The following UBE3B variants were observed in gnomAD, a reference collection of about 807,000 sequenced individuals.
The protein encoded by UBE3B is ubiquitin protein ligase E3B.
UBE3B carries 80 observed loss-of-function variants against 132.3 expected under a neutral mutation model. The ratio of observed to expected loss-of-function variants is 0.60; its 90% CI spans 0.50 to 0.73. The LOEUF (loss-of-function observed/expected upper bound fraction) is 0.73. Among genes scored for constraint, UBE3B ranks in the 30% least tolerant of loss-of-function variants. The pLI is 0.00. For missense variants in UBE3B, 1,196 were observed against 1,362.5 expected, an observed-to-expected ratio of 0.88 and a Z score of 1.92; for synonymous variants, 487 against 520.4, an observed-to-expected ratio of 0.94 and a Z score of 0.87.
At position 109,530,078 on chromosome 12, in the gene UBE3B, A is replaced by T; in HGVS notation, c.2810+6A>T. ...ATTGATCTGGAAGATTTAAAGTAAG[A>T]GGCGGGTGGGGGGAAGGGTGAAATT... On this transcript the variant is annotated splice_donor_region_variant and intron_variant, in intron 25 of 27. Transcript: ENST00000342494. 3 of 1,539,174 alleles carry T rather than the reference A, an allele frequency of 1.9e-6. No homozygotes were observed. The highest frequency in any genetic ancestry group is 2.7e-6 in the Non-Finnish European group (3 of 1,116,940).
intron 19 of UBE3B, chr12:109,517,869 T>G: frequency 2.5e-6 from 1 of 400,884 alleles, no homozygotes; most frequent in Non-Finnish European, 5.2e-6. Context: ...GTGTCTTCAT[T>G]TTCTCCCTCG....
At chr12:109,514,684 G>A (rs1023376653) in intron 18 of UBE3B, among the ~76,000 whole-genome samples, 4 of 152,042 alleles carry the variant, frequency 2.6e-5, no homozygotes, top group Middle Eastern at 3.2e-3. Flanking sequence ...AAGTCCTACA[G>A]TTCCCCTGCC....
downstream of UBE3B, among the ~76,000 whole-genome samples, chr12:109,537,322 T>G (rs1012873089): frequency 6.6e-6 from 1 of 152,200 alleles, no homozygotes; most frequent in Non-Finnish European, 1.5e-5. Flanking sequence ...CCAGCCAGGT[T>G]TCCTCCGCAC....
the UBE3B span, among the ~76,000 whole-genome samples, chr12:109,546,970 A>G: frequency 6.6e-6 from 1 of 152,146 alleles, no homozygotes; most frequent in East Asian, 1.9e-4. Flanking sequence ...TCAGCCTCCC[A>G]AACTGCTGGG....
At chr12:109,484,931 A>T (rs1170234683) in intron 4 of UBE3B, among the ~76,000 whole-genome samples, 1 of 151,420 alleles carries the variant, frequency 6.6e-6, no homozygotes, top group African/African-American at 2.4e-5. Flanking sequence ...AAGTTTTTGT[A>T]TTTTTTGTAG....
chr12:109,544,835 C>T, the UBE3B span, among the ~76,000 whole-genome samples: 11 of 152,238 alleles, frequency 7.2e-5, no homozygotes, highest in Admixed American at 3.3e-4. Flanking sequence ...CTGGGCACAG[C>T]GATCTTGGCA....
intron 19 of UBE3B, among the ~76,000 whole-genome samples, chr12:109,517,134 T>C (rs1881164164): frequency 6.6e-6 from 1 of 152,196 alleles, no homozygotes; most frequent in Non-Finnish European, 1.5e-5. Flanking sequence ...TATCCTGGGC[T>C]AGAGCATCCA....
At chr12:109,524,851 C>T (rs1031051464) in intron 23 of UBE3B, among the ~76,000 whole-genome samples, 3 of 151,942 alleles carry the variant, frequency 2.0e-5, no homozygotes, top group South Asian at 2.1e-4. Context: ...ACCTGAGAAG[C>T]GCCTCAAGCT....
chr12:109,532,463 A>G (rs1435709039), intron 26 of UBE3B, among the ~76,000 whole-genome samples: 1 of 152,194 alleles, frequency 6.6e-6, no homozygotes, highest in Non-Finnish European at 1.5e-5. Context: ...ACCATTTATA[A>G]CAGACCCAAA....
At chr12:109,484,135 G>C in intron 4 of UBE3B, 154 bp downstream of exon 4, 4 of 744,464 alleles carry the variant, frequency 5.4e-6, no homozygotes, top group Non-Finnish European at 8.1e-6. Context: ...GTTTTGGAGG[G>C]ATTATGCCCA....
chr12:109,511,271 C>T lies in UBE3B; in HGVS notation c.1924C>T (p.Gln642Ter). 1 of 1,614,184 alleles carries T rather than the reference C, an allele frequency of 6.2e-7. No individual in the cohort carries two copies. Among genetic ancestry groups the T allele is most frequent in the Non-Finnish European group, 8.5e-7 (1 of 1,180,010 alleles). Residue 642 changes from glutamine to a stop codon, truncating the protein, a stop_gained, in exon 18 of 28, where the codon CAG becomes TAG. Transcript: ENST00000342494. LOFTEE classifies it high-confidence loss of function. ...CAGAAAACGGGCACAGTTGATCCTGCAGTACATCCCACATGTCATCCCTCA... is the reference window on the plus strand; with the variant it reads ...CAGAAAACGGGCACAGTTGATCCTGTAGTACATCCCACATGTCATCCCTCA... Reference protein sequence around the residue: ...RDRKRAQLILQYIPHVIPHKN... With the variant: ...RDRKRAQLIL
intron 21 of UBE3B, among the ~76,000 whole-genome samples, chr12:109,523,106 A>T (rs1040974625): frequency 3.3e-5 from 5 of 152,178 alleles, no homozygotes; most frequent in Non-Finnish European, 7.3e-5. Context: ...TAGGCCCTGC[A>T]TGAGGAGTGG....
chr12:109,484,136 A>T, intron 4 of UBE3B, 155 bp downstream of exon 4: 2 of 739,822 alleles, frequency 2.7e-6, no homozygotes, highest in South Asian at 2.7e-5. Flanking sequence ...TTTTGGAGGG[A>T]TTATGCCCAG....
At chr12:109,529,504 T>C (rs1284049295) in intron 24 of UBE3B, among the ~76,000 whole-genome samples, 1 of 152,230 alleles carries the variant, frequency 6.6e-6, no homozygotes, top group Non-Finnish European at 1.5e-5. Flanking sequence ...GGTATCTTAA[T>C]TGATTTATGT....
chr12:109,523,961 C>T lies in UBE3B; in HGVS notation c.2365-17C>T, dbSNP rs746003315. 6 of 1,613,388 alleles carry T rather than the reference C, an allele frequency of 3.7e-6. No individual in the cohort carries two copies. In the South Asian group the frequency reaches 6.6e-5, roughly 18 times the overall value. On this transcript the variant is annotated splice_polypyrimidine_tract_variant and intron_variant, in intron 21 of 27. Transcript: ENST00000342494. The stretch of plus-strand genomic sequence containing the variant: ...GAATCCTGGCTGATGGACAGCTCTG[C>T]TTCTCTGCTCTCCCAGGGAATTGTG...
intron 9 of UBE3B, 137 bp downstream of exon 9, chr12:109,491,264 G>A: frequency 1.4e-6 from 1 of 697,730 alleles, no homozygotes; most frequent in Non-Finnish European, 2.3e-6. Context: ...TGTTCTTAAT[G>A]AAAGTGAGCA....
In UBE3B at chr12:109,534,658, G is replaced by A; in HGVS notation, c.3083G>A (p.Gly1028Asp). 1 of 1,611,566 alleles carries A rather than the reference G, an allele frequency of 6.2e-7. No individual in the cohort carries two copies. Among genetic ancestry groups the A allele is most frequent in the Non-Finnish European group, 8.5e-7 (1 of 1,178,910 alleles). ...ACCATCCGCAAGCGGGAGCCAGGCG[G>A]CCGCCTGCCCACCTCCTCCACCTGC... ...FFTIRKREPG[G>D]RLPTSSTCFN... Residue 1028 changes from glycine (G) to aspartate (D), a missense_variant, in exon 28 of 28, where the codon GGC (glycine) becomes GAC (aspartate). Gly to Asp is a moderately conservative substitution (Grantham distance 94). Coordinates refer to ENST00000342494, the MANE Select transcript of UBE3B (RefSeq NM_130466.4). The surrounding 1 kb of genome is among the most constrained non-coding windows in gnomAD (Gnocchi z 5.2).
intron 11 of UBE3B, 56 bp from the exon 12 acceptor site, chr12:109,499,577 G>T: frequency 6.9e-7 from 1 of 1,458,180 alleles, no homozygotes; most frequent in East Asian, 2.6e-5. Context: ...GAGCAGGGCC[G>T]GGAGGCACCA....
At chr12:109,501,620 G>A in intron 13 of UBE3B, 86 bp downstream of exon 13, 2 of 1,473,022 alleles carry the variant, frequency 1.4e-6, no homozygotes, top group Non-Finnish European at 1.8e-6. Flanking sequence ...GTTCCGCTGT[G>A]TTTGTGGGAT....
Sources: gnomAD v4.1 joint callset for allele counts (sites outside exome capture counted in the v4.1 genomes callset) on GRCh38, gnomAD v4.1.1 for gene constraint, Gnocchi (gnomAD v3.1) non-coding constraint, MANE v1.5 for transcripts, NCBI Gene and HGNC (gene_info 2026-07-23, HGNC 2026-07-21) for gene names.